CNTN5: variants seen among roughly 807,000 people sequenced by gnomAD.
The protein encoded by CNTN5 is contactin-5.
CNTN5 carries 77 observed loss-of-function variants against 129.1 expected under a neutral mutation model. That is an observed-to-expected ratio of 0.60 (90% CI 0.50 to 0.72). CNTN5 has a LOEUF of 0.72. Ranked by LOEUF, CNTN5 falls within the 30% of genes least tolerant of loss-of-function variation. CNTN5 has a pLI of 0.00. For missense variants in CNTN5, 1,478 were observed against 1,328.8 expected, an observed-to-expected ratio of 1.11 and a Z score of -1.75; for synonymous variants, 509 against 465.6, an observed-to-expected ratio of 1.09 and a Z score of -1.20.
At position 99,460,269 on chromosome 11, in the gene CNTN5, TTATTTAAGAAA is replaced by T. The variant is rs1187434629; in HGVS notation, c.-70-95860_-70-95850del. ...AATTTTTAAAGAAATATTTAAGAAA[TTATTTAAGAAA>T]TATTTAAGAAATATTAATTATTTAA... On this transcript the variant is annotated intron_variant, in intron 2 of 24. Coordinates refer to ENST00000524871, the MANE Select transcript of CNTN5 (RefSeq NM_014361.4). 7.3e-5 allele frequency among the ~76,000 whole-genome samples: 11 copies of T among 151,552 alleles called. No homozygotes were observed. The East Asian group carries it at 1.9e-3, about 27-fold the overall frequency.
At chr11:99,329,041 G>C (rs1369979990) in intron 2 of CNTN5, among the ~76,000 whole-genome samples, 3 of 152,090 alleles carry the variant, frequency 2.0e-5, no homozygotes, top group Non-Finnish European at 2.9e-5. Flanking sequence ...CAGTTATGGT[G>C]GTGGGACGGG....
chr11:99,120,293 T>C (rs1326817439), intron 1 of CNTN5: 1 of 152,118 alleles, frequency 6.6e-6, no homozygotes, highest in Non-Finnish European at 1.5e-5. Context: ...TCCTCACCAC[T>C]CCATGTGTGT....
chr11:99,248,687 A>C (rs1861944621), intron 1 of CNTN5, among the ~76,000 whole-genome samples: 1 of 152,076 alleles, frequency 6.6e-6, no homozygotes, highest in South Asian at 2.1e-4. Flanking sequence ...ACATATGGCT[A>C]GCCAGTTTTC....
At chr11:99,402,930 C>T (rs182251280) in intron 2 of CNTN5, among the ~76,000 whole-genome samples, 1 of 152,130 alleles carries the variant, frequency 6.6e-6, no homozygotes, top group African/African-American at 2.4e-5. Context: ...TGTTTCATCA[C>T]TGATTTTATT....
At chr11:99,358,238 G>A (rs1161272037) in intron 2 of CNTN5, among the ~76,000 whole-genome samples, 3 of 74,886 alleles carry the variant, frequency 4.0e-5, no homozygotes, top group Non-Finnish European at 5.4e-5. Context: ...ACAGGCGCCC[G>A]CCACCACGCC....
At chr11:99,400,799 G>T (rs533562355) in intron 2 of CNTN5, among the ~76,000 whole-genome samples, 3 of 152,126 alleles carry the variant, frequency 2.0e-5, no homozygotes, top group Non-Finnish European at 4.4e-5. Context: ...ATATCTGATT[G>T]TAGTTTGATT....
At chr11:99,263,084 C>T (rs1862717626) in intron 1 of CNTN5, among the ~76,000 whole-genome samples, 1 of 152,068 alleles carries the variant, frequency 6.6e-6, no homozygotes, top group African/African-American at 2.4e-5. Context: ...GTCCTATTGT[C>T]TTAAGAAGTC....
At chr11:99,474,340 C>T (rs1038127360) in intron 2 of CNTN5, among the ~76,000 whole-genome samples, 1 of 152,020 alleles carries the variant, frequency 6.6e-6, no homozygotes, top group Non-Finnish European at 1.5e-5. Flanking sequence ...TCTTCTTCCC[C>T]ACTGATTTGA....
chr11:99,715,368 A>G (rs529066660), intron 3 of CNTN5, among the ~76,000 whole-genome samples: 1 of 151,918 alleles, frequency 6.6e-6, no homozygotes, highest in Non-Finnish European at 1.5e-5. Context: ...CCACCTCTTC[A>G]TGGAATCTAG....
chr11:100,045,642 A>G (rs1344146516), intron 9 of CNTN5, among the ~76,000 whole-genome samples: 1 of 152,052 alleles, frequency 6.6e-6, no homozygotes, highest in Non-Finnish European at 1.5e-5. Context: ...TTTTCTCTCC[A>G]AAATGAGACT....
At chr11:99,879,171 C>G (rs1009327195) in intron 6 of CNTN5, among the ~76,000 whole-genome samples, 1 of 152,020 alleles carries the variant, frequency 6.6e-6, no homozygotes, top group Admixed American at 6.6e-5. Flanking sequence ...CTCTTGACAT[C>G]AGGTGATCCA....
At chr11:99,176,553 C>T (rs1857783199) in intron 1 of CNTN5, among the ~76,000 whole-genome samples, 2 of 152,192 alleles carry the variant, frequency 1.3e-5, no homozygotes, top group South Asian at 4.1e-4. Flanking sequence ...CTGTAAATGG[C>T]AACTCCACAT....
chr11:99,999,342 C>T (rs78779846), intron 8 of CNTN5, among the ~76,000 whole-genome samples: 30,545 of 152,026 alleles, frequency 0.2, 3,214 homozygotes, highest in East Asian at 0.37. Flanking sequence ...AAAAAGTGGG[C>T]GAAGGACATG....
chr11:100,326,277 G>A (rs1047872761), intron 21 of CNTN5, among the ~76,000 whole-genome samples: 7 of 152,096 alleles, frequency 4.6e-5, no homozygotes, highest in African/African-American at 9.6e-5. Flanking sequence ...AGGTATCTGC[G>A]AAGAAGATAG....
At chr11:99,158,186 T>C (rs543370944) in intron 1 of CNTN5, among the ~76,000 whole-genome samples, 8 of 152,286 alleles carry the variant, frequency 5.3e-5, no homozygotes, top group Admixed American at 3.3e-4. Context: ...TTGTTTGGTA[T>C]GTAAATTTCA....
Position 99,923,773 on chromosome 11 carries a change from A to G in CNTN5, c.673+7624A>G, listed in dbSNP as rs531254705. ...TATCTGTCTGTCTATCTATCTATCT[A>G]TCTATCTATCTATCTATCTATCTAT... On this transcript the variant is annotated intron_variant, in intron 7 of 24. Coordinates refer to ENST00000524871, the MANE Select transcript of CNTN5 (RefSeq NM_014361.4). 6.7e-3 allele frequency among the ~76,000 whole-genome samples: 1,013 copies of G among 151,384 alleles called. 9 individuals carry two copies. Among genetic ancestry groups the G allele is most frequent in the African/African-American group, 0.019 (783 of 41,230 alleles).
At chr11:99,638,847 T>A (rs1017691664) in intron 3 of CNTN5, among the ~76,000 whole-genome samples, 1 of 152,148 alleles carries the variant, frequency 6.6e-6, no homozygotes, top group Non-Finnish European at 1.5e-5. Context: ...TGTCTGTGGC[T>A]TTTCCAGGTG....
chr11:99,825,041 A>G (rs990268689), intron 4 of CNTN5, among the ~76,000 whole-genome samples: 1 of 151,918 alleles, frequency 6.6e-6, no homozygotes, highest in African/African-American at 2.4e-5. Flanking sequence ...GTTGTCTGTT[A>G]TTTCTGTTAG....
intron 3 of CNTN5, among the ~76,000 whole-genome samples, chr11:99,786,108 G>C (rs76364571): frequency 5.3e-5 from 8 of 151,720 alleles, no homozygotes. Context: ...AGAAAACCCC[G>C]TCGTCTCAGC....
Sources: allele counts gnomAD v4.1 joint callset (sites outside exome capture counted in the v4.1 genomes callset), GRCh38; gene constraint gnomAD v4.1.1; transcripts MANE v1.5; gene names NCBI Gene and HGNC (gene_info 2026-07-23, HGNC 2026-07-21).